Variants in CCSER1 observed in about 807,000 individuals in gnomAD.
The protein encoded by CCSER1 is coiled-coil serine rich protein 1.
Under a neutral mutation model 82.0 loss-of-function variants are expected in CCSER1, and 41 were observed. The ratio of observed to expected loss-of-function variants is 0.50; its 90% CI spans 0.39 to 0.65. The LOEUF (loss-of-function observed/expected upper bound fraction) is 0.65, where lower values mean the gene tolerates loss of function less well. CCSER1 is among the 30% of genes least tolerant of loss of function. CCSER1 has a pLI of 0.00. For missense variants in CCSER1, 1,119 were observed against 1,064.2 expected (o/e 1.05, Z -0.72); for synonymous variants, 414 against 383.9 (o/e 1.08, Z -0.92).
chr4:90,168,071 A>G (rs1419459930), intron 1 of CCSER1, among the ~76,000 whole-genome samples: 1 of 152,168 alleles, frequency 6.6e-6, no homozygotes, highest in Non-Finnish European at 1.5e-5. Context: ...CAATGGTTGA[A>G]CTAGTTTACA....
intron 8 of CCSER1, among the ~76,000 whole-genome samples, chr4:90,862,369 C>T (rs573332494): frequency 1.7e-4 from 26 of 151,992 alleles, no homozygotes; most frequent in African/African-American, 5.8e-4. Context: ...GTCAATTACT[C>T]TCTAATGAAG....
chr4:90,944,444 C>T (rs1731989119), intron 9 of CCSER1, among the ~76,000 whole-genome samples: 1 of 152,088 alleles, frequency 6.6e-6, no homozygotes, highest in Admixed American at 6.6e-5. Context: ...ACTTAAGGAA[C>T]TCAGATGAAG....
intron 5 of CCSER1, among the ~76,000 whole-genome samples, chr4:90,507,470 C>G: frequency 6.6e-6 from 1 of 151,824 alleles, no homozygotes; most frequent in South Asian, 2.1e-4. Context: ...ATTTTTCTTA[C>G]ATGAAAAATT....
chr4:91,297,369 G>GTGTGTGTGTGTGTGTA (rs771566786), intron 10 of CCSER1, among the ~76,000 whole-genome samples: 1 of 99,536 alleles, frequency 1.0e-5, no homozygotes, highest in Admixed American at 1.1e-4. Context: ...GGATGCTTGT[G>GTGTGTGTGTGTGTGTA]TGTGTGTGTG....
intron 9 of CCSER1, among the ~76,000 whole-genome samples, chr4:90,952,993 C>A (rs1243482560): frequency 1.3e-5 from 2 of 151,820 alleles, no homozygotes; most frequent in African/African-American, 4.8e-5. Context: ...TAATATTGTC[C>A]GTCTTTACCT....
At chr4:90,420,205 T>C (rs79770735) in intron 4 of CCSER1, among the ~76,000 whole-genome samples, 2,792 of 152,076 alleles carry the variant, frequency 0.018, 50 homozygotes, top group African/African-American at 0.038. Context: ...ATTGATTAAT[T>C]CATTAGTTTG....
At chr4:91,148,163 C>T (rs1729732754) in intron 10 of CCSER1, among the ~76,000 whole-genome samples, 1 of 152,028 alleles carries the variant, frequency 6.6e-6, no homozygotes, top group Non-Finnish European at 1.5e-5. Flanking sequence ...AGTGCAAAAC[C>T]TTTATCATAG....
At chr4:91,262,245 ACC>A (rs1741248503) in intron 10 of CCSER1, among the ~76,000 whole-genome samples, 1 of 151,924 alleles carries the variant, frequency 6.6e-6, no homozygotes. Flanking sequence ...AAATAAATCT[ACC>A]TCTTAAGTTT....
At chr4:90,901,160 T>G (rs9994576) in intron 8 of CCSER1, among the ~76,000 whole-genome samples, 48,753 of 151,778 alleles carry the variant, frequency 0.32, 8,394 homozygotes, top group Non-Finnish European at 0.4. Context: ...TTTATCTTTT[T>G]ACTTTGAGCC....
Position 90,351,417 on chromosome 4 carries a change from G to A in CCSER1, c.1509+38370G>A, listed in dbSNP as rs553782668. The stretch of plus-strand genomic sequence containing the variant: ...TGAAGCCATGAGAAGCTGTAACAAA[G>A]CATGCAAGATTTCTATGGAGAAATC... On this transcript the variant is annotated intron_variant, in intron 3 of 10. Transcript: ENST00000509176. 4.6e-5 allele frequency among the ~76,000 whole-genome samples: 7 copies of A among 152,190 alleles called. No homozygotes were observed. In the East Asian group the frequency reaches 1.4e-3, roughly 29 times the overall value.
At chr4:91,330,835 T>G (rs1746901601) in intron 10 of CCSER1, among the ~76,000 whole-genome samples, 1 of 152,174 alleles carries the variant, frequency 6.6e-6, no homozygotes, top group South Asian at 2.1e-4. Flanking sequence ...TGTGGTCAGT[T>G]GCAGTCTGAA....
chr4:90,746,905 G>A (rs1747572961), intron 7 of CCSER1, among the ~76,000 whole-genome samples: 1 of 152,122 alleles, frequency 6.6e-6, no homozygotes, highest in South Asian at 2.1e-4. Flanking sequence ...GACCAAAATG[G>A]CATTTCAACT....
intron 5 of CCSER1, among the ~76,000 whole-genome samples, chr4:90,498,358 T>C (rs1172242756): frequency 6.6e-6 from 1 of 152,176 alleles, no homozygotes; most frequent in Non-Finnish European, 1.5e-5. Flanking sequence ...AGTCTGAAAC[T>C]GTGATTGACT....
intron 2 of CCSER1, among the ~76,000 whole-genome samples, chr4:90,311,961 T>A (rs1261278262): frequency 6.6e-6 from 1 of 152,190 alleles, no homozygotes; most frequent in Non-Finnish European, 1.5e-5. Context: ...CTGGGGATAC[T>A]CAGTTAACAT....
intron 5 of CCSER1, among the ~76,000 whole-genome samples, chr4:90,488,660 T>C (rs1767507954): frequency 1.3e-5 from 2 of 152,116 alleles, no homozygotes; most frequent in Admixed American, 1.3e-4. Flanking sequence ...TGAAAATAAT[T>C]TGTTTAGCCT....
chr4:91,078,596 A>G (rs1237162695), intron 9 of CCSER1, among the ~76,000 whole-genome samples: 1 of 152,218 alleles, frequency 6.6e-6, no homozygotes, highest in African/African-American at 2.4e-5. Flanking sequence ...GAGTCGAGAG[A>G]AGAAGGCTTC....
At chr4:90,901,231 T>C (rs1013231559) in intron 8 of CCSER1, among the ~76,000 whole-genome samples, 3 of 151,584 alleles carry the variant, frequency 2.0e-5, no homozygotes, top group East Asian at 1.9e-4. Flanking sequence ...GGGTCTCTCT[T>C]TTTTTTTAAT....
chr4:90,581,565 ATTAT>A (rs1450017199), intron 5 of CCSER1, among the ~76,000 whole-genome samples: 1 of 151,742 alleles, frequency 6.6e-6, no homozygotes, highest in African/African-American at 2.4e-5. Flanking sequence ...TTATTAATTA[ATTAT>A]TTAATTAGCA....
intron 8 of CCSER1, among the ~76,000 whole-genome samples, chr4:90,827,259 T>G (rs1159790284): frequency 6.6e-6 from 1 of 152,210 alleles, no homozygotes; most frequent in African/African-American, 2.4e-5. Flanking sequence ...GTCATGGCAC[T>G]GATGGGACTT....
Sources: gnomAD v4.1 joint callset for allele counts (sites outside exome capture counted in the v4.1 genomes callset) on GRCh38, gnomAD v4.1.1 for gene constraint, MANE v1.5 for transcripts, NCBI Gene and HGNC (gene_info 2026-07-23, HGNC 2026-07-21) for gene names.